The following LYZL1 variants were observed in gnomAD, a reference collection of about 807,000 sequenced individuals.
LYZL1 encodes the protein lysozyme-like protein 1.
In LYZL1, 16 loss-of-function variants were observed where a neutral mutation model predicts 17.9. That is an observed-to-expected ratio of 0.90 (90% CI 0.61 to 1.36). The LOEUF is 1.36. LYZL1 is among the 40% of genes most tolerant of loss of function. LYZL1 has a pLI of 0.00. For synonymous variants in LYZL1, 58 were observed against 71.8 expected, an observed-to-expected ratio of 0.81 and a Z score of 0.97; for missense variants, 149 against 188.4, an observed-to-expected ratio of 0.79 and a Z score of 1.22.
chr10:29,298,112 A>C (rs1835469873), intron 3 of LYZL1, among the ~76,000 whole-genome samples: 1 of 152,188 alleles, frequency 6.6e-6, no homozygotes, highest in Non-Finnish European at 1.5e-5. Flanking sequence ...GGGTAATTGG[A>C]GGAGAATATT....
intron 3 of LYZL1, among the ~76,000 whole-genome samples, chr10:29,293,320 G>A (rs965187405): frequency 6.6e-6 from 1 of 151,676 alleles, no homozygotes; most frequent in African/African-American, 2.4e-5. Flanking sequence ...GTCTGGCTAT[G>A]GAGTCCCGTT....
chr10:29,310,058 C>CTCAACT, intron 3 of LYZL1, 52 bp from the exon 4 acceptor site: 1 of 1,305,244 alleles, frequency 7.7e-7, no homozygotes, highest in South Asian at 1.3e-5. Flanking sequence ...AGTTGAGGTC[C>CTCAACT]CTCTCCAACA....
intron 3 of LYZL1, among the ~76,000 whole-genome samples, chr10:29,303,234 C>T (rs756208507): frequency 6.6e-6 from 1 of 152,148 alleles, no homozygotes; most frequent in Non-Finnish European, 1.5e-5. Flanking sequence ...GTATTCTCCA[C>T]AAAATCTGAG....
intron 3 of LYZL1, among the ~76,000 whole-genome samples, chr10:29,316,519 G>A (rs531997159): frequency 6.6e-6 from 1 of 152,200 alleles, no homozygotes; most frequent in Admixed American, 6.5e-5. Flanking sequence ...CAAAAGAAAC[G>A]CTGTGTTTTG....
chr10:29,290,174 G>A (rs1462607933), intron 1 of LYZL1, among the ~76,000 whole-genome samples: 1 of 152,180 alleles, frequency 6.6e-6, no homozygotes, highest in East Asian at 1.9e-4. Context: ...TTCTAGGCAA[G>A]TGCAGAAAAT....
At chr10:29,311,909 A>C (rs1835677270), downstream of LYZL1, among the ~76,000 whole-genome samples, 1 of 152,002 alleles carries the variant, frequency 6.6e-6, no homozygotes, top group South Asian at 2.1e-4. Flanking sequence ...CAGTGAGCCG[A>C]GATCATGCCG....
chr10:29,310,754 T>A (rs1473238076), intron 4 of LYZL1, among the ~76,000 whole-genome samples: 1 of 152,210 alleles, frequency 6.6e-6, no homozygotes, highest in Non-Finnish European at 1.5e-5. Context: ...TGACATGGAA[T>A]GACCCATCCT....
chr10:29,314,210 C>T (rs369298210), downstream of LYZL1, among the ~76,000 whole-genome samples: 5 of 152,290 alleles, frequency 3.3e-5, no homozygotes, highest in East Asian at 9.6e-4. Context: ...TGCCTCTGAA[C>T]ACATGGCTGG....
chr10:29,310,074 G>T, intron 3 of LYZL1, 36 bp from the exon 4 acceptor site: 1 of 1,494,924 alleles, frequency 6.7e-7, no homozygotes, highest in Non-Finnish European at 9.2e-7. Flanking sequence ...CAACAACAAA[G>T]TCTCGCCTAA....
At chr10:29,301,947 T>C (rs1057177592) in intron 3 of LYZL1, among the ~76,000 whole-genome samples, 2 of 152,216 alleles carry the variant, frequency 1.3e-5, no homozygotes, top group Admixed American at 1.3e-4. Flanking sequence ...AGCTTATTGA[T>C]TGGATGTTTC....
chr10:29,293,112 T>TTTTTTC (rs1835397059), intron 3 of LYZL1, among the ~76,000 whole-genome samples: 1 of 142,396 alleles, frequency 7.0e-6, no homozygotes, highest in African/African-American at 2.6e-5. Context: ...TCTTTCTTTT[T>TTTTTTC]TTTTCTTTTC....
chr10:29,302,767 C>G (rs184050516), intron 3 of LYZL1, among the ~76,000 whole-genome samples: 1 of 152,126 alleles, frequency 6.6e-6, no homozygotes, highest in South Asian at 2.1e-4. Context: ...GTTGCCGTAC[C>G]CCGCGGACAC....
intron 3 of LYZL1, among the ~76,000 whole-genome samples, chr10:29,294,458 A>G (rs989928791): frequency 6.6e-6 from 1 of 152,206 alleles, no homozygotes; most frequent in Non-Finnish European, 1.5e-5. Flanking sequence ...AGACTGATGC[A>G]AGAGATGCTG....
chr10:29,293,276 C>A (rs1835402253), intron 3 of LYZL1, among the ~76,000 whole-genome samples: 1 of 151,754 alleles, frequency 6.6e-6, no homozygotes, highest in Non-Finnish European at 1.5e-5. Context: ...TAGGCACACG[C>A]CCGGCTATTT....
At position 29,304,015 on chromosome 10, in the gene LYZL1, C is replaced by A. The variant is rs567104490; in HGVS notation, c.299-6095C>A. ...GGCTCAAGCGATCCTCCCATCTTGACCTCCCAAAGTGCTGGGATTACAGGC... is the reference window on the plus strand; with the variant it reads ...GGCTCAAGCGATCCTCCCATCTTGAACTCCCAAAGTGCTGGGATTACAGGC... On this transcript the variant is annotated intron_variant, in intron 3 of 4. Coordinates refer to ENST00000649382, the MANE Select transcript of LYZL1 (RefSeq NM_032517.6). Among the ~76,000 whole-genome samples the A allele has an allele frequency of 9.8e-5, 15 of 152,312 alleles. No individual in the cohort carries two copies. The South Asian group carries it at 1.5e-3, about 15-fold the overall frequency.
intron 3 of LYZL1, among the ~76,000 whole-genome samples, chr10:29,309,606 C>T (rs767749824): frequency 3.2e-4 from 48 of 152,228 alleles, no homozygotes; most frequent in Non-Finnish European, 4.9e-4. Context: ...AAGTGATCCT[C>T]GCACTTCAGG....
At chr10:29,296,838 CT>C (rs1835452291) in intron 3 of LYZL1, among the ~76,000 whole-genome samples, 1 of 152,312 alleles carries the variant, frequency 6.6e-6, no homozygotes, top group African/African-American at 2.4e-5. Flanking sequence ...ATCCCTACCT[CT>C]GAGCACAGGG....
chr10:29,293,017 G>A (rs1044457271), intron 3 of LYZL1, among the ~76,000 whole-genome samples: 5 of 152,192 alleles, frequency 3.3e-5, no homozygotes, highest in East Asian at 1.9e-4. Flanking sequence ...TAAGCAATTC[G>A]CTCAGAGGAT....
chr10:29,318,231 C>T (rs1835752860), exon 5 of LYZL1: 1 of 972,722 alleles, frequency 1.0e-6, no homozygotes, highest in Non-Finnish European at 1.2e-6. Context: ...AGACCACAAC[C>T]CCAGTGGCAA....
Sources: gnomAD v4.1 joint callset for allele counts (sites outside exome capture counted in the v4.1 genomes callset) on GRCh38, gnomAD v4.1.1 for gene constraint, MANE v1.5 for transcripts, NCBI Gene and HGNC (gene_info 2026-07-23, HGNC 2026-07-21) for gene names.